Variants in USP15 observed in about 807,000 individuals in gnomAD.
USP15 encodes the protein ubiquitin carboxyl-terminal hydrolase 15.
Under a neutral mutation model 127.1 loss-of-function variants are expected in USP15, and 18 were observed. The observed-to-expected ratio is 0.14, with a 90% CI of 0.10 to 0.21. The LOEUF is 0.21. Ranked by LOEUF, USP15 falls within the 10% of genes least tolerant of loss-of-function variation. The probability of loss-of-function intolerance (pLI) is 1.00; values close to 1 mark genes in which losing one functional copy is unlikely to be tolerated. For missense variants in USP15, 805 were observed against 1,159.9 expected, an observed-to-expected ratio of 0.69 and a Z score of 4.44; for synonymous variants, 364 against 393.7, an observed-to-expected ratio of 0.92 and a Z score of 0.89.
intron 6 of USP15, among the ~76,000 whole-genome samples, chr12:62,331,369 G>T (rs2065295053): frequency 1.3e-5 from 2 of 152,174 alleles, no homozygotes; most frequent in African/African-American, 4.8e-5. Flanking sequence ...CACCAATGCT[G>T]TTGGTCTAAG....
At chr12:62,324,706 G>T (rs976398883) in intron 5 of USP15, among the ~76,000 whole-genome samples, 1 of 151,832 alleles carries the variant, frequency 6.6e-6, no homozygotes, top group East Asian at 1.9e-4. Flanking sequence ...TGAAATAATA[G>T]ATTTTTTAAA....
At chr12:62,352,681 A>C (rs750478466) in intron 7 of USP15, among the ~76,000 whole-genome samples, 2 of 151,958 alleles carry the variant, frequency 1.3e-5, no homozygotes, top group East Asian at 3.9e-4. Flanking sequence ...GCTCTTGATA[A>C]ATTTGTTAGC....
intron 2 of USP15, among the ~76,000 whole-genome samples, chr12:62,296,108 G>T (rs1206850033): frequency 1.3e-5 from 2 of 152,198 alleles, no homozygotes; most frequent in Admixed American, 1.3e-4. Context: ...CAGCCTCTAG[G>T]AACAGAGAGT....
chr12:62,338,528 GTT>G (rs975232352), intron 6 of USP15, among the ~76,000 whole-genome samples: 24 of 152,132 alleles, frequency 1.6e-4, no homozygotes, highest in African/African-American at 5.8e-4. Flanking sequence ...TGCTTTTGGT[GTT>G]TTAGTCATGA....
At chr12:62,343,622 C>A (rs1339447142) in intron 6 of USP15, among the ~76,000 whole-genome samples, 1 of 152,162 alleles carries the variant, frequency 6.6e-6, no homozygotes, top group Non-Finnish European at 1.5e-5. Flanking sequence ...TAGCACAGTC[C>A]CTCATGGCTT....
intron 6 of USP15, among the ~76,000 whole-genome samples, chr12:62,342,959 C>G (rs1417896297): frequency 2.6e-5 from 4 of 152,198 alleles, no homozygotes; most frequent in African/African-American, 9.6e-5. Context: ...TCAGGATCAG[C>G]TGCTCTCTTC....
chr12:62,270,424 G>T (rs953403232), intron 1 of USP15, among the ~76,000 whole-genome samples: 26 of 152,008 alleles, frequency 1.7e-4, no homozygotes, highest in Non-Finnish European at 1.5e-5. Context: ...TCATGTCTAA[G>T]AAGGCTTGGC....
chr12:62,401,330 A>C, intron 21 of USP15, 55 bp downstream of exon 21: 1 of 1,363,880 alleles, frequency 7.3e-7, no homozygotes, highest in East Asian at 2.3e-5. Flanking sequence ...TTAAGGAGTG[A>C]ATATAAATTA....
intron 19 of USP15, among the ~76,000 whole-genome samples, chr12:62,394,566 A>G (rs2067424804): frequency 6.6e-6 from 1 of 152,176 alleles, no homozygotes; most frequent in Non-Finnish European, 1.5e-5. Flanking sequence ...AAAAAGAATC[A>G]GGGCTGGGCA....
intron 8 of USP15, among the ~76,000 whole-genome samples, chr12:62,367,237 T>A (rs1565890794): frequency 6.6e-6 from 1 of 152,018 alleles, no homozygotes; most frequent in African/African-American, 2.4e-5. Flanking sequence ...GTTTGTTTGT[T>A]TTTTGTTTTT....
At chr12:62,315,410 T>C (rs767094290) in intron 4 of USP15, among the ~76,000 whole-genome samples, 3 of 151,952 alleles carry the variant, frequency 2.0e-5, no homozygotes, top group Non-Finnish European at 4.4e-5. Context: ...TAATTCTCTC[T>C]ATATATTAAA....
chr12:62,348,295 A>G (rs1447865181), intron 6 of USP15, among the ~76,000 whole-genome samples: 1 of 152,222 alleles, frequency 6.6e-6, no homozygotes, highest in Non-Finnish European at 1.5e-5. Context: ...TGCATAATGC[A>G]TTGTAGATAT....
chr12:62,283,206 C>T (rs556504857), intron 1 of USP15, among the ~76,000 whole-genome samples: 18 of 152,268 alleles, frequency 1.2e-4, no homozygotes, highest in African/African-American at 4.3e-4. Flanking sequence ...AGAGTAAAAG[C>T]TATTCCAGGT....
rs879642816 is a variant in USP15, at chr12:62,381,603, C to T, written c.1029C>T (p.Ala343=). 3.1e-6 allele frequency: 5 copies of T among 1,612,718 alleles called. No homozygotes were observed. The highest frequency in any genetic ancestry group is 3.4e-6 in the Non-Finnish European group (4 of 1,179,154). Residue 343 remains alanine (A), a synonymous_variant, in exon 9 of 22, where the codon GCC becomes GCT. Transcript: ENST00000280377. Reference sequence around the variant, plus strand: ...GAGGTGAAATAGCTAAATCTTATGCCGAACTGATCAAGCAAATGTGGTCTG... The same window carrying T: ...GAGGTGAAATAGCTAAATCTTATGCTGAACTGATCAAGCAAATGTGGTCTG... ...GMRGEIAKSY[A]ELIKQMWSGK... is the part of the protein sequence containing the mutation.
At position 62,391,254 on chromosome 12, in the gene USP15, A is replaced by G; in HGVS notation, c.2058A>G (p.Gly686=). ...GTCAGTCTGAAGATTCAGTTGGAGGAGATAATGATTCTGAAAATGGATTAT... is the reference window on the plus strand; with the variant it reads ...GTCAGTCTGAAGATTCAGTTGGAGGGGATAATGATTCTGAAAATGGATTAT... ...ENSQSEDSVG[G]DNDSENGLCT... The change falls in exon 16 of 22, where the codon GGA becomes GGG. Residue 686 remains glycine, a synonymous_variant. Transcript: ENST00000280377. 4.3e-6 allele frequency: 7 copies of G among 1,613,702 alleles called. No individual in the cohort carries two copies. Among genetic ancestry groups the G allele is most frequent in the Non-Finnish European group, 5.9e-6 (7 of 1,179,738 alleles).
chr12:62,280,391 C>T (rs1199560397), intron 1 of USP15, among the ~76,000 whole-genome samples: 1 of 152,098 alleles, frequency 6.6e-6, no homozygotes, highest in Non-Finnish European at 1.5e-5. Context: ...AACAAAGTAC[C>T]TGTAAGTGGC....
chr12:62,301,429 C>T (rs2064316992), intron 2 of USP15, among the ~76,000 whole-genome samples: 1 of 152,022 alleles, frequency 6.6e-6, no homozygotes, highest in Non-Finnish European at 1.5e-5. Context: ...AAGTTGTGAA[C>T]AACTCAAATG....
intron 6 of USP15, chr12:62,335,515 C>G: frequency 2.6e-6 from 3 of 1,143,990 alleles, no homozygotes; most frequent in Non-Finnish European, 3.2e-6. Context: ...GCTTCCTGGT[C>G]CTTGCTTTTT....
intron 1 of USP15, among the ~76,000 whole-genome samples, chr12:62,291,973 G>A (rs1430382687): frequency 2.6e-5 from 4 of 152,220 alleles, no homozygotes; most frequent in African/African-American, 9.6e-5. Flanking sequence ...TTGCAGGTAT[G>A]AGTCAGCTTC....
Sources: allele counts gnomAD v4.1 joint callset (sites outside exome capture counted in the v4.1 genomes callset), GRCh38; gene constraint gnomAD v4.1.1; transcripts MANE v1.5; gene names NCBI Gene and HGNC (gene_info 2026-07-23, HGNC 2026-07-21).